Variants in DLG2 observed in about 807,000 individuals in gnomAD.
The protein encoded by DLG2 is disks large homolog 2.
Under a neutral mutation model 132.5 loss-of-function variants are expected in DLG2, and 45 were observed. That is an observed-to-expected ratio of 0.34 (90% confidence interval 0.27 to 0.44). DLG2 has a LOEUF of 0.44. Among genes scored for constraint, DLG2 ranks in the 20% least tolerant of loss-of-function variants. DLG2 has a pLI of 1.00. For missense variants in DLG2, 1,045 were observed against 1,196.9 expected, an observed-to-expected ratio of 0.87 and a Z score of 1.87; for synonymous variants, 424 against 419.6, an observed-to-expected ratio of 1.01 and a Z score of -0.13.
intron 9 of DLG2, among the ~76,000 whole-genome samples, chr11:84,110,360 A>C (rs1214923760): frequency 6.6e-6 from 1 of 152,192 alleles, no homozygotes; most frequent in African/African-American, 2.4e-5. Context: ...ACCCCAGAGA[A>C]GCCAGGAATC....
At chr11:84,761,257 A>G (rs1446298169) in intron 6 of DLG2, among the ~76,000 whole-genome samples, 1 of 152,190 alleles carries the variant, frequency 6.6e-6, no homozygotes, top group Non-Finnish European at 1.5e-5. Context: ...TGATGGTGTA[A>G]TGGTTACTCC....
intron 9 of DLG2, among the ~76,000 whole-genome samples, chr11:84,105,709 A>T (rs2092857780): frequency 6.6e-6 from 1 of 152,160 alleles, no homozygotes; most frequent in African/African-American, 2.4e-5. Flanking sequence ...TAGATAAAAA[A>T]AGACTCAAAT....
At chr11:84,858,464 G>A (rs564403105) in intron 6 of DLG2, among the ~76,000 whole-genome samples, 1 of 152,030 alleles carries the variant, frequency 6.6e-6, no homozygotes, top group African/African-American at 2.4e-5. Flanking sequence ...CAAAGATTTG[G>A]TTAAAATAAA....
At chr11:84,800,942 CA>C (rs904971511) in intron 6 of DLG2, among the ~76,000 whole-genome samples, 1 of 152,108 alleles carries the variant, frequency 6.6e-6, no homozygotes, top group Non-Finnish European at 1.5e-5. Flanking sequence ...TTTGCCACCA[CA>C]TGGGGGTGTA....
chr11:84,359,237 G>C (rs1004806105), intron 7 of DLG2, among the ~76,000 whole-genome samples: 1 of 151,712 alleles, frequency 6.6e-6, no homozygotes, highest in African/African-American at 2.4e-5. Flanking sequence ...CAAAGAAATG[G>C]TAAAACTGAG....
At chr11:84,736,593 A>C (rs537311) in intron 6 of DLG2, among the ~76,000 whole-genome samples, 2,777 of 151,960 alleles carry the variant, frequency 0.018, 39 homozygotes, top group Non-Finnish European at 0.03. Flanking sequence ...TTTCCAATGT[A>C]CTGATTTTTT....
intron 6 of DLG2, among the ~76,000 whole-genome samples, chr11:84,711,022 A>ATATC (rs1181799744): frequency 1.1e-5 from 1 of 93,736 alleles, no homozygotes; most frequent in African/African-American, 4.2e-5. Context: ...ATATATATAT[A>ATATC]TATATATATA....
Position 85,627,101 on chromosome 11 carries a change from T to C in DLG2, c.-260+117A>G, listed in dbSNP as rs919246298. The C allele has an allele frequency of 7.2e-5, 11 of 152,290 alleles. No individual in the cohort carries two copies. In the East Asian group the frequency reaches 2.1e-3, roughly 29 times the overall value. 9.4% of individuals were successfully genotyped at this position (152,290 alleles called of 1,614,324 possible). On this transcript the variant is annotated intron_variant, in intron 1 of 27. Transcript: ENST00000376104. ...AACCCCACCTCCCCAAAAATACTTT[T>C]AAAAATCTCTTTGACTCCAGTCTCT...
chr11:84,537,149 C>T (rs1481439017), intron 6 of DLG2, among the ~76,000 whole-genome samples: 1 of 152,178 alleles, frequency 6.6e-6, no homozygotes, highest in East Asian at 1.9e-4. Context: ...CTTGTCACCC[C>T]AGGCTGGAGT....
chr11:84,358,956 T>C (rs2154418931), intron 7 of DLG2, among the ~76,000 whole-genome samples: 1 of 151,996 alleles, frequency 6.6e-6, no homozygotes, highest in Admixed American at 6.6e-5. Context: ...TTCTCTTACA[T>C]TGTTCTTTAC....
intron 19 of DLG2, among the ~76,000 whole-genome samples, chr11:83,623,402 T>C (rs189468194): frequency 1.6e-4 from 25 of 152,368 alleles, no homozygotes; most frequent in African/African-American, 4.6e-4. Context: ...TTTGGTGACA[T>C]CTGTAATCCA....
intron 6 of DLG2, among the ~76,000 whole-genome samples, chr11:85,087,803 A>G (rs1287882430): frequency 5.2e-5 from 7 of 133,558 alleles, no homozygotes; most frequent in Non-Finnish European, 1.1e-4. Context: ...GCGCCACTGC[A>G]GTCCGCAGTC....
At chr11:85,185,367 GT>G (rs2080017332) in intron 4 of DLG2, among the ~76,000 whole-genome samples, 1 of 151,966 alleles carries the variant, frequency 6.6e-6, no homozygotes, top group African/African-American at 2.4e-5. Context: ...CAGGATATGG[GT>G]TAAAGAATTA....
At chr11:83,782,439 AG>A (rs546047459) in intron 18 of DLG2, among the ~76,000 whole-genome samples, 57 of 152,252 alleles carry the variant, frequency 3.7e-4, no homozygotes, top group Non-Finnish European at 7.5e-4. Context: ...TCGAGTGGAG[AG>A]GTGTGCAAAC....
intron 3 of DLG2, among the ~76,000 whole-genome samples, chr11:85,409,876 A>T (rs1239226169): frequency 6.6e-6 from 1 of 151,872 alleles, no homozygotes; most frequent in Non-Finnish European, 1.5e-5. Context: ...GCTCATTATC[A>T]TTACTAGATG....
chr11:83,585,939 GA>G (rs1424369571), intron 19 of DLG2, among the ~76,000 whole-genome samples: 1 of 152,122 alleles, frequency 6.6e-6, no homozygotes, highest in Admixed American at 6.5e-5. Flanking sequence ...AGAGATAGAA[GA>G]AATGAGAAAA....
intron 4 of DLG2, among the ~76,000 whole-genome samples, chr11:85,178,406 T>C (rs2079467079): frequency 6.6e-6 from 1 of 151,978 alleles, no homozygotes; most frequent in Middle Eastern, 3.2e-3. Context: ...TTGTAACTTT[T>C]CTTTGTTTTA....
chr11:84,822,458 C>G (rs1365139652), intron 6 of DLG2, among the ~76,000 whole-genome samples: 1 of 151,716 alleles, frequency 6.6e-6, no homozygotes, highest in Non-Finnish European at 1.5e-5. Flanking sequence ...GCACTAAACT[C>G]AATTATTAAA....
chr11:84,444,554 C>T (rs1276794072), intron 7 of DLG2, among the ~76,000 whole-genome samples: 1 of 151,842 alleles, frequency 6.6e-6, no homozygotes, highest in East Asian at 1.9e-4. Context: ...TTACTGATTT[C>T]TAATGTCCCT....
Sources: gnomAD v4.1 joint callset for allele counts (sites outside exome capture counted in the v4.1 genomes callset) on GRCh38, gnomAD v4.1.1 for gene constraint, MANE v1.5 for transcripts, NCBI Gene and HGNC (gene_info 2026-07-23, HGNC 2026-07-21) for gene names.